RASSF5: variants seen among roughly 807,000 people sequenced by gnomAD.
The protein encoded by RASSF5 is Ras association domain family member 5.
In RASSF5, 25 loss-of-function variants were observed where a neutral mutation model predicts 40.5. That is an observed-to-expected ratio of 0.62 (90% CI 0.45 to 0.86). RASSF5 has a LOEUF of 0.86. RASSF5 is among the 40% of genes least tolerant of loss of function. RASSF5 has a pLI of 0.00. For synonymous variants in RASSF5, 246 were observed against 252.4 expected (o/e 0.97, Z 0.24); for missense variants, 521 against 572.8 (o/e 0.91, Z 0.92).
At chr1:206,573,462 AG>A (rs1260157040) in intron 2 of RASSF5, among the ~76,000 whole-genome samples, 5 of 152,228 alleles carry the variant, frequency 3.3e-5, no homozygotes, top group African/African-American at 1.2e-4. Flanking sequence ...GACGCCATAG[AG>A]GGCAAGACAG....
At chr1:206,550,561 C>G (rs1667811722) in intron 2 of RASSF5, among the ~76,000 whole-genome samples, 1 of 152,200 alleles carries the variant, frequency 6.6e-6, no homozygotes, top group Non-Finnish European at 1.5e-5. Flanking sequence ...TACATAACCT[C>G]TCTTAGCTAT....
chr1:206,581,912 T>C (rs560586163), intron 2 of RASSF5, among the ~76,000 whole-genome samples: 1 of 151,684 alleles, frequency 6.6e-6, no homozygotes, highest in East Asian at 2.0e-4. Flanking sequence ...CGCGGGGTGG[T>C]GATGTGACGT....
In RASSF5 at chr1:206,561,175, C is replaced by T. The variant is rs115983873; in HGVS notation, c.580-22094C>T. ...CTGCTTGCAGAATGTCAGAGCACCTCGCTTTATAGATGGAGAAACTGAGGC... is the reference window on the plus strand; with the variant it reads ...CTGCTTGCAGAATGTCAGAGCACCTTGCTTTATAGATGGAGAAACTGAGGC... On this transcript the variant is annotated intron_variant, in intron 2 of 5. Transcript: ENST00000579436. 8.5e-3 allele frequency among the ~76,000 whole-genome samples: 1,292 copies of T among 152,282 alleles called. 20 individuals are homozygous for T. Among genetic ancestry groups the T allele is most frequent in the African/African-American group, 0.03 (1,234 of 41,524 alleles).
At chr1:206,547,226 ACAAG>A (rs1667718950) in intron 2 of RASSF5, among the ~76,000 whole-genome samples, 1 of 152,162 alleles carries the variant, frequency 6.6e-6, no homozygotes, top group Admixed American at 6.5e-5. Context: ...CGCATATACT[ACAAG>A]CCAGGGGTCC....
At chr1:206,523,900 T>C (rs1480166435) in intron 1 of RASSF5, among the ~76,000 whole-genome samples, 2 of 111,266 alleles carry the variant, frequency 1.8e-5, no homozygotes, top group East Asian at 4.7e-4. Context: ...TCATGTAACA[T>C]ATATATTTTA....
Position 206,583,315 on chromosome 1 carries a change from A to G in RASSF5, c.626A>G (p.Gln209Arg), listed in dbSNP as rs1553406782. 6.2e-7 allele frequency: 1 copy of G among 1,613,858 alleles called. No homozygotes were observed. The highest frequency in any genetic ancestry group is 8.5e-7 in the Non-Finnish European group (1 of 1,179,904). Reference sequence around the variant, plus strand: ...GAGACACAGCGCCCGCCCACACTGCAGGAGATCAAGCAGAAGATCGACAGC... The same window carrying G: ...GAGACACAGCGCCCGCCCACACTGCGGGAGATCAAGCAGAAGATCGACAGC... ...VEETQRPPTL[Q>R]EIKQKIDSYN... The change falls in exon 3 of 6, where the codon CAG (glutamine) becomes CGG (arginine). Residue 209 changes from glutamine (Q) to arginine (R), a missense_variant. Transcript: ENST00000579436.
chr1:206,512,171 C>T (rs1553394782), intron 1 of RASSF5, among the ~76,000 whole-genome samples: 1 of 152,242 alleles, frequency 6.6e-6, no homozygotes, highest in Admixed American at 6.5e-5. Context: ...CCCCCACTCC[C>T]AAGCCCTCTC....
Position 206,531,231 on chromosome 1 carries a change from A to G in RASSF5, c.458-6941A>G, listed in dbSNP as rs1050231756. On this transcript the variant is annotated intron_variant, in intron 1 of 5. Coordinates refer to ENST00000579436, the MANE Select transcript of RASSF5 (RefSeq NM_182663.4). The surrounding 1 kb of genome is among the most constrained non-coding windows in gnomAD (Gnocchi z 4.7). Reference sequence around the variant, plus strand: ...GAAGCATTCCTTCCTTTAGTCACTCAACCAATTTGTAGTAGTCCCTTTCTG... The same window carrying G: ...GAAGCATTCCTTCCTTTAGTCACTCGACCAATTTGTAGTAGTCCCTTTCTG... 3.3e-5 allele frequency among the ~76,000 whole-genome samples: 5 copies of G among 152,200 alleles called. No homozygotes were observed. The highest frequency in any genetic ancestry group is 9.6e-5 in the African/African-American group (4 of 41,452).
intron 2 of RASSF5, among the ~76,000 whole-genome samples, chr1:206,541,044 T>C (rs574669809): frequency 6.6e-6 from 1 of 152,208 alleles, no homozygotes; most frequent in South Asian, 2.1e-4. Flanking sequence ...ACAAGTGTGC[T>C]CCACCATGCC....
At chr1:206,508,168 A>C in intron 1 of RASSF5, 109 bp downstream of exon 1, 2 of 842,678 alleles carry the variant, frequency 2.4e-6, no homozygotes, top group Non-Finnish European at 3.3e-6. Context: ...CTTTGGCTCC[A>C]GGGGAGCCCC....
chr1:206,583,215 T>C, intron 2 of RASSF5, 54 bp from the exon 3 acceptor site: 1 of 1,237,178 alleles, frequency 8.1e-7, no homozygotes, highest in South Asian at 1.2e-5. Context: ...GGTTGTTCCC[T>C]TTCTCACCCT....
intron 2 of RASSF5, chr1:206,542,945 C>T (rs1328431271): frequency 1.3e-5 from 2 of 152,228 alleles, no homozygotes; most frequent in African/African-American, 4.8e-5. Context: ...GGCACAGTGG[C>T]TCACACCTAT....
intron 2 of RASSF5, among the ~76,000 whole-genome samples, chr1:206,549,387 G>A (rs1667777289): frequency 6.6e-6 from 1 of 152,038 alleles, no homozygotes; most frequent in African/African-American, 2.4e-5. Context: ...ATTTCTCTGG[G>A]CTCCTCACAG....
chr1:206,555,500 C>T (rs906975595), intron 2 of RASSF5, among the ~76,000 whole-genome samples: 1 of 143,524 alleles, frequency 7.0e-6, no homozygotes, highest in Non-Finnish European at 1.6e-5. Flanking sequence ...GAAACCACCT[C>T]TCTGGGGGAA....
chr1:206,520,952 A>C (rs1486206406), intron 1 of RASSF5, among the ~76,000 whole-genome samples: 1 of 152,074 alleles, frequency 6.6e-6, no homozygotes, highest in Non-Finnish European at 1.5e-5. Context: ...ACCAGGGTGG[A>C]CTGCCTGCAT....
At chr1:206,510,140 G>T (rs868938432) in intron 1 of RASSF5, among the ~76,000 whole-genome samples, 4 of 152,200 alleles carry the variant, frequency 2.6e-5, no homozygotes, top group African/African-American at 7.2e-5. Flanking sequence ...CTGGCAGGTG[G>T]AGACACAGCA....
At chr1:206,578,068 A>T (rs972833246) in intron 2 of RASSF5, among the ~76,000 whole-genome samples, 1 of 133,494 alleles carries the variant, frequency 7.5e-6, no homozygotes, top group Non-Finnish European at 1.6e-5. Flanking sequence ...CTACAAAAAA[A>T]TAAAAAAAAT....
At chr1:206,581,622 CAGAGAGAGAGGGG>C (rs1668880216) in intron 2 of RASSF5, among the ~76,000 whole-genome samples, 1 of 147,040 alleles carries the variant, frequency 6.8e-6, no homozygotes, top group Admixed American at 6.8e-5. Flanking sequence ...GAGAGAGAGA[CAGAGAGAGAGGGG>C]GGAGAGAGAG....
At position 206,531,873 on chromosome 1, in the gene RASSF5, T is replaced by TA. The variant is rs60985867; in HGVS notation, c.458-6290dup. 0.011 allele frequency among the ~76,000 whole-genome samples: 1,603 copies of TA among 145,046 alleles called. 28 individuals are homozygous for TA. Among genetic ancestry groups the TA allele is most frequent in the African/African-American group, 0.038 (1,450 of 38,330 alleles). ...TAACATAGTGAAACCCTGTCTCTAC[T>TA]AAAAAAAAATAAATAAATAAATACA... On this transcript the variant is annotated intron_variant, in intron 1 of 5. Coordinates refer to ENST00000579436, the MANE Select transcript of RASSF5 (RefSeq NM_182663.4). This position sits in a 1 kb window ranked among gnomAD's most constrained non-coding sequence, Gnocchi z 4.7.
Sources: allele counts gnomAD v4.1 joint callset (sites outside exome capture counted in the v4.1 genomes callset), GRCh38; gene constraint gnomAD v4.1.1; non-coding constraint Gnocchi (gnomAD v3.1); transcripts MANE v1.5; gene names NCBI Gene and HGNC (gene_info 2026-07-23, HGNC 2026-07-21).